GPATCH8: variants seen among roughly 807,000 people sequenced by gnomAD.
The protein encoded by GPATCH8 is G patch domain-containing protein 8.
A neutral mutation model predicts 118.3 loss-of-function variants in GPATCH8; 18 were observed. The ratio of observed to expected loss-of-function variants is 0.15; its 90% CI spans 0.11 to 0.23. The LOEUF is 0.23. GPATCH8 is among the 10% of genes least tolerant of loss of function. GPATCH8 has a pLI of 1.00. For synonymous variants in GPATCH8, 659 were observed against 684.7 expected, an observed-to-expected ratio of 0.96 and a Z score of 0.59; for missense variants, 1,631 against 1,873.8, an observed-to-expected ratio of 0.87 and a Z score of 2.39.
intron 3 of GPATCH8, among the ~76,000 whole-genome samples, chr17:44,449,229 A>G (rs1412741224): frequency 3.3e-5 from 5 of 152,196 alleles, no homozygotes; most frequent in Admixed American, 3.3e-4. Flanking sequence ...GTGAGCCGAG[A>G]TCGCACCACT....
rs572680991 is a variant in GPATCH8 at position 44,396,242 on chromosome 17, G to C, written c.*1326C>G. The C allele has an allele frequency of 2.2e-4, 102 of 454,490 alleles. 1 individual carries two copies. The highest frequency in any genetic ancestry group is 1.5e-3 in the South Asian group (96 of 64,478). 28.2% of individuals were successfully genotyped at this position (454,490 alleles called of 1,614,324 possible). ...CCAGGGAAACCCAGGAATCCCCCCA[G>C]ACAATCACCAAATCTCACTGCTTCC... On this transcript the variant is annotated 3_prime_UTR_variant, in exon 8 of 8. Coordinates refer to ENST00000591680, the MANE Select transcript of GPATCH8 (RefSeq NM_001002909.4).
At chr17:44,478,929 T>G (rs1300790483) in intron 1 of GPATCH8, among the ~76,000 whole-genome samples, 1 of 151,926 alleles carries the variant, frequency 6.6e-6, no homozygotes, top group African/African-American at 2.4e-5. Context: ...TTAGATGGTC[T>G]CAAACTCCTG....
At chr17:44,418,897 G>T (rs2049790953) in intron 6 of GPATCH8, among the ~76,000 whole-genome samples, 1 of 152,210 alleles carries the variant, frequency 6.6e-6, no homozygotes, top group South Asian at 2.1e-4. Context: ...GAAAACTAGG[G>T]TTAAACTACT....
chr17:44,446,220 G>A (rs1375668137), intron 3 of GPATCH8, among the ~76,000 whole-genome samples: 1 of 151,970 alleles, frequency 6.6e-6, no homozygotes, highest in Non-Finnish European at 1.5e-5. Context: ...AAAGTGCTGG[G>A]ATTACAGGTG....
chr17:44,415,910 ACCC>A (rs2049661116), intron 6 of GPATCH8, among the ~76,000 whole-genome samples: 1 of 152,246 alleles, frequency 6.6e-6, no homozygotes, highest in Non-Finnish European at 1.5e-5. Context: ...TGCCTGGTTT[ACCC>A]TGGCAACATT....
At chr17:44,455,300 G>A (rs1428211608) in intron 3 of GPATCH8, among the ~76,000 whole-genome samples, 1 of 151,962 alleles carries the variant, frequency 6.6e-6, no homozygotes, top group Non-Finnish European at 1.5e-5. Flanking sequence ...TCGGGAGTTC[G>A]AGACCAGCCT....
chr17:44,501,265 A>C (rs1468932031), intron 1 of GPATCH8, among the ~76,000 whole-genome samples: 1 of 151,998 alleles, frequency 6.6e-6, no homozygotes, highest in Non-Finnish European at 1.5e-5. Context: ...AAAAATACAA[A>C]AATTAGCCGG....
chr17:44,482,145 C>T (rs75563761), intron 1 of GPATCH8, among the ~76,000 whole-genome samples: 6,183 of 151,442 alleles, frequency 0.041, 177 homozygotes, highest in Non-Finnish European at 0.059. Context: ...CCCATGTTCT[C>T]ACTCTTAAGT....
chr17:44,398,989 T>A lies in GPATCH8; in HGVS notation c.3088A>T (p.Ile1030Phe). ...TAGTGGGGGGACTGGGAGCGGTAGA[T>A]CTTAGAACGAATGAAGTCCCGACGC... is the stretch of plus-strand genomic sequence containing the variant. Reference protein sequence around the residue: ...SGRRDFIRSKIYRSQSPHYFR... With the variant: ...SGRRDFIRSKFYRSQSPHYFR... The change falls in exon 8 of 8, where the codon ATC (isoleucine) becomes TTC (phenylalanine). Residue 1030 changes from isoleucine to phenylalanine, a missense_variant. Around this residue, in one of 8 missense-constraint regions of GPATCH8, gnomAD observed 922 missense variants for 879.7 expected, o/e 1.05. Coordinates refer to ENST00000591680, the MANE Select transcript of GPATCH8 (RefSeq NM_001002909.4). 6.2e-7 allele frequency: 1 copy of A among 1,614,026 alleles called. No individual in the cohort carries two copies. Among genetic ancestry groups the A allele is most frequent in the Non-Finnish European group, 8.5e-7 (1 of 1,179,988 alleles).
chr17:44,438,073 G>A (rs1192456057), intron 3 of GPATCH8, among the ~76,000 whole-genome samples: 2 of 151,992 alleles, frequency 1.3e-5, no homozygotes, highest in Non-Finnish European at 2.9e-5. Context: ...TAAATAAGCA[G>A]TGACTGCAAT....
At chr17:44,414,178 TATAC>T (rs2049589857) in intron 6 of GPATCH8, among the ~76,000 whole-genome samples, 3 of 149,134 alleles carry the variant, frequency 2.0e-5, no homozygotes, top group African/African-American at 7.4e-5. Context: ...TATATGAACA[TATAC>T]ATACACACAT....
intron 1 of GPATCH8, among the ~76,000 whole-genome samples, chr17:44,500,195 G>A (rs1240955837): frequency 6.6e-6 from 1 of 152,186 alleles, no homozygotes; most frequent in African/African-American, 2.4e-5. Flanking sequence ...GAATGGTCAT[G>A]AGGACAAGTA....
Position 44,480,386 on chromosome 17 carries a change from C to T in GPATCH8, c.46-5483G>A, listed in dbSNP as rs547679091. ...CACGAGGTCAGGAATTCAAGACCAG[C>T]CTGGCCAACATGGTGAAACTCCGTC... is the stretch of plus-strand genomic sequence containing the variant. On this transcript the variant is annotated intron_variant, in intron 1 of 7. Transcript: ENST00000591680. Among the ~76,000 whole-genome samples the T allele has an allele frequency of 2.4e-3, 364 of 151,774 alleles. 2 individuals carry two copies. Among genetic ancestry groups the T allele is most frequent in the Admixed American group, 4.0e-3 (61 of 15,256 alleles).
In GPATCH8 at chr17:44,424,409, T is replaced by C. The variant is rs1230193143; in HGVS notation, c.432A>G (p.Gln144=). 1 of 1,600,242 alleles carries C rather than the reference T, an allele frequency of 6.2e-7. No homozygotes were observed. ...TATCAAATTCCTGATGTTTCTGATA[T>C]TGCTTATCACACAGTTCACAATAAA... ...ANFYCELCDK[Q]YQKHQEFDNH... The change falls in exon 6 of 8, where the codon CAA becomes CAG. Residue 144 remains glutamine (Q), a synonymous_variant. Coordinates refer to ENST00000591680, the MANE Select transcript of GPATCH8 (RefSeq NM_001002909.4).
At chr17:44,458,445 T>C (rs560126676) in intron 3 of GPATCH8, among the ~76,000 whole-genome samples, 191 of 152,300 alleles carry the variant, frequency 1.3e-3, no homozygotes, top group Non-Finnish European at 2.3e-3. Flanking sequence ...GGAAACTTGT[T>C]CTTTGCCTAT....
chr17:44,461,886 T>C (rs1157050002), intron 3 of GPATCH8, among the ~76,000 whole-genome samples: 3 of 151,184 alleles, frequency 2.0e-5, no homozygotes, highest in East Asian at 3.9e-4. Flanking sequence ...TAGGGGGAGA[T>C]AGAGATGGGG....
chr17:44,456,220 G>A (rs899459433), intron 3 of GPATCH8, among the ~76,000 whole-genome samples: 1 of 151,756 alleles, frequency 6.6e-6, no homozygotes, highest in Non-Finnish European at 1.5e-5. Context: ...GGGCTCAAGC[G>A]ATTCTCTCGC....
chr17:44,428,007 C>T (rs562514220), intron 5 of GPATCH8, among the ~76,000 whole-genome samples: 16 of 152,284 alleles, frequency 1.1e-4, no homozygotes, highest in African/African-American at 2.2e-4. Context: ...ATAGGCCAGG[C>T]GTGGTAGCCC....
At position 44,412,727 on chromosome 17, in the gene GPATCH8, C is replaced by T. The variant is rs187596576; in HGVS notation, c.493-6676G>A. Among the ~76,000 whole-genome samples the T allele has an allele frequency of 7.9e-5, 12 of 152,254 alleles. No individual in the cohort carries two copies. The East Asian group carries it at 1.2e-3, about 15-fold the overall frequency. On this transcript the variant is annotated intron_variant, in intron 6 of 7. Transcript: ENST00000591680. The stretch of plus-strand genomic sequence containing the variant: ...AAATAAAAAAAGATGTGTTGTATCT[C>T]GACCACTATTTCTGGCTAAGCATAA...
Sources: gnomAD v4.1 joint callset for allele counts (sites outside exome capture counted in the v4.1 genomes callset) on GRCh38, gnomAD v4.1.1 for gene constraint, gnomAD v4.1.1 regional missense constraint, MANE v1.5 for transcripts, NCBI Gene and HGNC (gene_info 2026-07-23, HGNC 2026-07-21) for gene names.